The following GRB10 variants were observed in gnomAD, a reference collection of about 807,000 sequenced individuals.
GRB10 encodes growth factor receptor bound protein 10, also known as growth factor receptor-bound protein 10.
Under a neutral mutation model 80.9 loss-of-function variants are expected in GRB10, and 20 were observed. The ratio of observed to expected loss-of-function variants is 0.25; its 90% CI spans 0.17 to 0.36. The LOEUF (loss-of-function observed/expected upper bound fraction) is 0.36. Among genes scored for constraint, GRB10 ranks in the 10% least tolerant of loss-of-function variants. GRB10 has a pLI of 1.00. For missense variants in GRB10, 548 were observed against 747.7 expected (o/e 0.73, Z 3.12); for synonymous variants, 291 against 291.5 (o/e 1.00, Z 0.02).
chr7:50,717,738 T>C (rs565327973), intron 4 of GRB10, among the ~76,000 whole-genome samples: 2 of 152,336 alleles, frequency 1.3e-5, no homozygotes, highest in African/African-American at 4.8e-5. Flanking sequence ...ACCAGGTGTT[T>C]AGATGGAAAT....
At chr7:50,776,726 T>C (rs2077692592) in intron 2 of GRB10, among the ~76,000 whole-genome samples, 1 of 152,230 alleles carries the variant, frequency 6.6e-6, no homozygotes, top group South Asian at 2.1e-4. Context: ...TGCGCCTTTG[T>C]AGCAAGGACT....
rs1237165608 is a variant in GRB10 at position 50,617,983 on chromosome 7, T to C, written c.846+88A>G. ...ATAAATGGTGAAAGATGCGATCTCT[T>C]TAGGTTTTTTACAATGCTGCCATTC... On this transcript the variant is annotated intron_variant, in intron 10 of 18. Coordinates refer to ENST00000401949, the MANE Select transcript of GRB10 (RefSeq NM_001350814.2). 8.1e-6 allele frequency: 9 copies of C among 1,111,596 alleles called. No homozygotes were observed. In the East Asian group the frequency reaches 1.4e-4, roughly 17 times the overall value. 68.9% of individuals were successfully genotyped at this position (1,111,596 alleles called of 1,614,324 possible).
intron 2 of GRB10, among the ~76,000 whole-genome samples, chr7:50,773,454 AGGGGAGGGGAAGGCAGGGG>A (rs2077216868): frequency 9.0e-5 from 3 of 33,256 alleles, no homozygotes; most frequent in Non-Finnish European, 1.5e-4. Flanking sequence ...AGGGGAAGGG[AGGGGAGGGGAAGGCAGGGG>A]AGGGGAAGGC....
At chr7:50,755,321 C>G (rs2074898091) in intron 3 of GRB10, among the ~76,000 whole-genome samples, 1 of 152,184 alleles carries the variant, frequency 6.6e-6, no homozygotes, top group Admixed American at 6.5e-5. Flanking sequence ...AAAGGGCCAC[C>G]TGAGGTTGAC....
rs562825569 is a variant in GRB10 at position 50,707,474 on chromosome 7, A to G, written c.52-3566T>C. On this transcript the variant is annotated intron_variant, in intron 4 of 18. Coordinates refer to ENST00000401949, the MANE Select transcript of GRB10 (RefSeq NM_001350814.2). ...CATTTTCCATTCTCACAGCCTGCCAACGTGTTTTCTCATCAGCAGAACATT... is the reference window on the plus strand; with the variant it reads ...CATTTTCCATTCTCACAGCCTGCCAGCGTGTTTTCTCATCAGCAGAACATT... Among the ~76,000 whole-genome samples the G allele has an allele frequency of 1.9e-3, 282 of 152,294 alleles. 1 individual carries two copies. Among genetic ancestry groups the G allele is most frequent in the African/African-American group, 6.5e-3 (270 of 41,562 alleles).
At chr7:50,719,796 T>G (rs2067429272) in intron 4 of GRB10, among the ~76,000 whole-genome samples, 3 of 152,150 alleles carry the variant, frequency 2.0e-5, no homozygotes, top group Admixed American at 2.0e-4. Context: ...CACTACACTT[T>G]GGAATTTCCT....
Position 50,703,924 on chromosome 7 carries a change from C to G in GRB10, c.52-16G>C. On this transcript the variant is annotated splice_polypyrimidine_tract_variant and intron_variant, in intron 4 of 18. Coordinates refer to ENST00000401949, the MANE Select transcript of GRB10 (RefSeq NM_001350814.2). ...CCACCTTGTCCTAAAAAAACAGGAC[C>G]GCAGCAGAAAGGCTGTGAGTTCACA... 1 of 1,596,882 alleles carries G rather than the reference C, an allele frequency of 6.3e-7. No individual in the cohort carries two copies. The highest frequency in any genetic ancestry group is 1.1e-5 in the South Asian group (1 of 90,548).
intron 2 of GRB10, among the ~76,000 whole-genome samples, chr7:50,760,182 C>A (rs2075601520): frequency 6.6e-6 from 1 of 152,120 alleles, no homozygotes; most frequent in African/African-American, 2.4e-5. Context: ...TAGCCAAAGG[C>A]CAGCAGAGCG....
At chr7:50,755,251 C>T (rs879912085) in intron 3 of GRB10, among the ~76,000 whole-genome samples, 17 of 152,164 alleles carry the variant, frequency 1.1e-4, no homozygotes, top group Non-Finnish European at 2.2e-4. Context: ...GACCTGCCAA[C>T]GGCACTGTAA....
At chr7:50,733,118 G>A (rs910227437) in intron 3 of GRB10, among the ~76,000 whole-genome samples, 1 of 152,088 alleles carries the variant, frequency 6.6e-6, no homozygotes, top group African/African-American at 2.4e-5. Flanking sequence ...GATGATGAGG[G>A]TGGGCCCTAA....
chr7:50,760,950 C>A (rs954095613), intron 2 of GRB10, among the ~76,000 whole-genome samples: 3 of 152,204 alleles, frequency 2.0e-5, no homozygotes, highest in Admixed American at 2.0e-4. Context: ...CAGAATCTTA[C>A]CAAATGCTTT....
intron 4 of GRB10, chr7:50,710,895 C>T (rs772603802): frequency 1.3e-5 from 21 of 1,612,612 alleles, no homozygotes; most frequent in African/African-American, 6.7e-5. Context: ...AACAGAGGGC[C>T]GGCAGCTTGC....
chr7:50,778,837 A>G (rs550180716), intron 2 of GRB10, among the ~76,000 whole-genome samples: 8 of 152,342 alleles, frequency 5.3e-5, no homozygotes, highest in Middle Eastern at 3.4e-3. Flanking sequence ...CAAAGCAGAT[A>G]CAATTCCTAC....
At chr7:50,775,892 G>A (rs2077581335) in intron 2 of GRB10, among the ~76,000 whole-genome samples, 1 of 152,310 alleles carries the variant, frequency 6.6e-6, no homozygotes, top group East Asian at 1.9e-4. Flanking sequence ...TCCAAGGAGG[G>A]CTGCACTGTA....
chr7:50,784,282 A>T (rs957205516), upstream of GRB10, among the ~76,000 whole-genome samples: 3 of 152,238 alleles, frequency 2.0e-5, no homozygotes, highest in Non-Finnish European at 4.4e-5. Flanking sequence ...TATGTAACTT[A>T]TCCAAAGTCC....
intron 17 of GRB10, 137 bp from the exon 18 acceptor site, chr7:50,595,667 G>C (rs1227060394): frequency 7.3e-6 from 5 of 685,416 alleles, no homozygotes; most frequent in Non-Finnish European, 1.3e-5. Flanking sequence ...TCAGTGCAGT[G>C]CTTTGGCATT....
intron 17 of GRB10, among the ~76,000 whole-genome samples, chr7:50,598,500 C>G (rs2153563264): frequency 6.6e-6 from 1 of 152,284 alleles, no homozygotes; most frequent in East Asian, 1.9e-4. Context: ...GTGACAGGAC[C>G]CGACAGTGAT....
chr7:50,754,263 A>T (rs927514133), intron 3 of GRB10, among the ~76,000 whole-genome samples: 2 of 152,250 alleles, frequency 1.3e-5, no homozygotes, highest in African/African-American at 4.8e-5. Flanking sequence ...AAGGGTCTGC[A>T]GAGCTATCAC....
chr7:50,601,073 T>C (rs549938904), intron 17 of GRB10, among the ~76,000 whole-genome samples: 1 of 152,202 alleles, frequency 6.6e-6, no homozygotes, highest in Non-Finnish European at 1.5e-5. Context: ...GCCATCGCGA[T>C]GCGCTGCTGT....
Sources: allele counts gnomAD v4.1 joint callset (sites outside exome capture counted in the v4.1 genomes callset), GRCh38; gene constraint gnomAD v4.1.1; transcripts MANE v1.5; gene names NCBI Gene and HGNC (gene_info 2026-07-23, HGNC 2026-07-21).